ELAPOR2: variants seen among roughly 807,000 people sequenced by gnomAD.
ELAPOR2 encodes the protein endosome-lysosome associated apoptosis and autophagy regulator family member 2, also known as endosome/lysosome-associated apoptosis and autophagy regulator family member 2.
ELAPOR2 carries 89 observed loss-of-function variants against 120.7 expected under a neutral mutation model. The observed-to-expected ratio is 0.74, with a 90% CI of 0.62 to 0.88. The LOEUF (loss-of-function observed/expected upper bound fraction) is 0.88, where lower values mean the gene tolerates loss of function less well. Ranked by LOEUF, ELAPOR2 falls within the 40% of genes least tolerant of loss-of-function variation. The probability of loss-of-function intolerance (pLI) is 0.00; values close to 1 mark genes in which losing one functional copy is unlikely to be tolerated. For missense variants in ELAPOR2, 1,134 were observed against 1,251.6 expected (o/e 0.91, Z 1.42); for synonymous variants, 444 against 444.9 (o/e 1.00, Z 0.03).
At chr7:86,899,908 T>A (rs1788637179) in intron 18 of ELAPOR2, among the ~76,000 whole-genome samples, 3 of 152,182 alleles carry the variant, frequency 2.0e-5, no homozygotes, top group African/African-American at 7.2e-5. Context: ...AGGTGGTTTT[T>A]TTTTAAAGTA....
intron 2 of ELAPOR2, among the ~76,000 whole-genome samples, chr7:86,954,500 G>T (rs1791392493): frequency 6.6e-6 from 1 of 151,980 alleles, no homozygotes; most frequent in South Asian, 2.1e-4. Flanking sequence ...TCTAAACAGT[G>T]AACAGCAATA....
chr7:86,931,102 T>C (rs1449015156), intron 8 of ELAPOR2, among the ~76,000 whole-genome samples: 4 of 151,946 alleles, frequency 2.6e-5, no homozygotes, highest in Non-Finnish European at 4.4e-5. Flanking sequence ...TAGCGATGAC[T>C]AGCTATGATC....
chr7:87,012,474 T>A (rs565655273), intron 1 of ELAPOR2, among the ~76,000 whole-genome samples: 1 of 152,282 alleles, frequency 6.6e-6, no homozygotes, highest in South Asian at 2.1e-4. Context: ...TTAGTCTAGT[T>A]CTACTCTTTC....
intron 1 of ELAPOR2, among the ~76,000 whole-genome samples, chr7:86,975,580 T>C (rs958491451): frequency 6.6e-6 from 1 of 152,178 alleles, no homozygotes; most frequent in Non-Finnish European, 1.5e-5. Context: ...GGCTTTCCTA[T>C]TTCTTTAGGT....
At chr7:86,964,783 A>G in intron 2 of ELAPOR2, 121 bp downstream of exon 2, 1 of 995,790 alleles carries the variant, frequency 1.0e-6, no homozygotes, top group Non-Finnish European at 1.5e-6. Context: ...TCTGCTGGTT[A>G]TCAATGCCAT....
chr7:86,940,859 C>A (rs138001790), intron 5 of ELAPOR2, among the ~76,000 whole-genome samples: 18 of 152,152 alleles, frequency 1.2e-4, no homozygotes, highest in African/African-American at 4.3e-4. Context: ...TGAAGCAGTA[C>A]ATTAAGTAAA....
chr7:86,972,085 A>G (rs745835477), intron 1 of ELAPOR2, among the ~76,000 whole-genome samples: 7 of 152,112 alleles, frequency 4.6e-5, no homozygotes, highest in Non-Finnish European at 7.4e-5. Context: ...ATCAAGCCAA[A>G]CCATTTCTTA....
In ELAPOR2 at chr7:86,968,707, A is replaced by C. The variant is rs143647126; in HGVS notation, c.190-3683T>G. Among the ~76,000 whole-genome samples, 30 of 152,106 alleles carry C rather than the reference A, an allele frequency of 2.0e-4. 1 individual carries two copies. The East Asian group carries it at 5.2e-3, about 27-fold the overall frequency. ...TTAGCATGCTTCACAATTTTTCCTG[A>C]AAAGGGGAAAATTCTTGACAATTTT... On this transcript the variant is annotated intron_variant, in intron 1 of 21. Transcript: ENST00000450689.
At chr7:86,890,887 T>A (rs965016012) in intron 21 of ELAPOR2, among the ~76,000 whole-genome samples, 1 of 152,084 alleles carries the variant, frequency 6.6e-6, no homozygotes, top group African/African-American at 2.4e-5. Context: ...TTACTATTAC[T>A]CTTTATAAAT....
At chr7:87,054,011 C>T (rs1437390532) in intron 1 of ELAPOR2, among the ~76,000 whole-genome samples, 1 of 152,134 alleles carries the variant, frequency 6.6e-6, no homozygotes, top group Non-Finnish European at 1.5e-5. Context: ...TACAAAGCTC[C>T]ATGGAGCAGG....
chr7:86,955,872 C>T (rs1005625231), intron 2 of ELAPOR2, among the ~76,000 whole-genome samples: 5 of 149,934 alleles, frequency 3.3e-5, no homozygotes, highest in African/African-American at 9.8e-5. Flanking sequence ...ACCATGCAGC[C>T]AGAAGATTTT....
chr7:86,916,214 G>A (rs1789561400), intron 12 of ELAPOR2, among the ~76,000 whole-genome samples: 1 of 152,108 alleles, frequency 6.6e-6, no homozygotes. Flanking sequence ...ACATAAATAA[G>A]TTCACATAAT....
intron 1 of ELAPOR2, among the ~76,000 whole-genome samples, chr7:87,026,673 T>A (rs753687193): frequency 6.6e-5 from 10 of 152,098 alleles, no homozygotes; most frequent in Non-Finnish European, 1.2e-4. Context: ...ACATTTTCTA[T>A]TCCACAGTTA....
At chr7:86,989,786 A>AT (rs911780642) in intron 1 of ELAPOR2, among the ~76,000 whole-genome samples, 7 of 151,728 alleles carry the variant, frequency 4.6e-5, no homozygotes, top group African/African-American at 1.4e-4. Context: ...AAAGATACAA[A>AT]TTTTTTTATT....
intron 1 of ELAPOR2, among the ~76,000 whole-genome samples, chr7:86,991,583 AAAATTTGCCCC>A (rs1792946801): frequency 6.6e-6 from 1 of 152,162 alleles, no homozygotes; most frequent in Non-Finnish European, 1.5e-5. Flanking sequence ...GACAGTTGAG[AAAATTTGCCCC>A]AACTCTATTA....
chr7:86,955,372 TTC>T (rs148173763), intron 2 of ELAPOR2, among the ~76,000 whole-genome samples: 1 of 152,146 alleles, frequency 6.6e-6, no homozygotes, highest in Admixed American at 6.5e-5. Context: ...GGAATTCTTG[TTC>T]TCTCTAATTG....
intron 1 of ELAPOR2, among the ~76,000 whole-genome samples, chr7:87,010,533 A>C (rs1793622047): frequency 2.6e-5 from 4 of 152,228 alleles, no homozygotes; most frequent in Admixed American, 6.5e-5. Flanking sequence ...AGTTTCTCTA[A>C]GAATTTCTAT....
chr7:86,897,328 T>A (rs1788480992), intron 19 of ELAPOR2, among the ~76,000 whole-genome samples, 178 bp downstream of exon 19: 1 of 152,130 alleles, frequency 6.6e-6, no homozygotes, highest in African/African-American at 2.4e-5. Flanking sequence ...CCAGTGCACA[T>A]CTGCAGCTAC....
At chr7:86,956,827 G>T (rs907302235) in intron 2 of ELAPOR2, among the ~76,000 whole-genome samples, 1 of 152,160 alleles carries the variant, frequency 6.6e-6, no homozygotes, top group African/African-American at 2.4e-5. Context: ...AAAATGTTCA[G>T]AGTATGTGAT....
Sources: gnomAD v4.1 joint callset for allele counts (sites outside exome capture counted in the v4.1 genomes callset) on GRCh38, gnomAD v4.1.1 for gene constraint, MANE v1.5 for transcripts, NCBI Gene and HGNC (gene_info 2026-07-23, HGNC 2026-07-21) for gene names.